Variants in ACYP2 observed in about 807,000 individuals in gnomAD.
ACYP2 encodes acylphosphatase-2.
ACYP2 carries 12 observed loss-of-function variants against 11.2 expected under a neutral mutation model. That is an observed-to-expected ratio of 1.08 (90% confidence interval 0.69 to 1.74). ACYP2 has a LOEUF of 1.74. ACYP2 is among the 40% of genes most tolerant of loss of function. The pLI is 0.00. For synonymous variants in ACYP2, 43 were observed against 32.2 expected (o/e 1.33, Z -1.13); for missense variants, 134 against 101.9 (o/e 1.31, Z -1.35).
rs1167029502 is a variant in ACYP2, at chr2:54,205,690, C to T, written c.404+66942C>T. Among the ~76,000 whole-genome samples, 4 of 152,162 alleles carry T rather than the reference C, an allele frequency of 2.6e-5. No homozygotes were observed. In the East Asian group the frequency reaches 7.7e-4, roughly 29 times the overall value. On this transcript the variant is annotated intron_variant, in intron 6 of 6. Transcript: ENST00000607452. ...AGTATCTCCTTTTTACCAATGTCTTCCAAATATTTTCATTCCTTTATAAAT... is the reference window on the plus strand; with the variant it reads ...AGTATCTCCTTTTTACCAATGTCTTTCAAATATTTTCATTCCTTTATAAAT...
At chr2:54,131,759 CTT>C (rs1360616682) in intron 4 of ACYP2, among the ~76,000 whole-genome samples, 1 of 152,118 alleles carries the variant, frequency 6.6e-6, no homozygotes, top group Non-Finnish European at 1.5e-5. Context: ...AATATAAACT[CTT>C]TTCAAATCTC....
At chr2:54,070,073 C>G (rs762323627) in intron 4 of ACYP2, among the ~76,000 whole-genome samples, 2 of 151,758 alleles carry the variant, frequency 1.3e-5, no homozygotes, top group East Asian at 3.9e-4. Context: ...GAGTTCAAGA[C>G]CAGCCTGACC....
intron 4 of ACYP2, among the ~76,000 whole-genome samples, chr2:54,114,452 G>A (rs1381758727): frequency 6.6e-6 from 1 of 151,540 alleles, no homozygotes; most frequent in African/African-American, 2.4e-5. Flanking sequence ...GGGAGGCCGA[G>A]GCAGGTGGAT....
chr2:54,243,731 G>A (rs1401758149), intron 6 of ACYP2, among the ~76,000 whole-genome samples: 1 of 151,904 alleles, frequency 6.6e-6, no homozygotes, highest in Non-Finnish European at 1.5e-5. Flanking sequence ...CACCACGGCT[G>A]GTTAATTTTT....
chr2:54,060,267 T>C (rs1302436871), intron 4 of ACYP2, among the ~76,000 whole-genome samples: 1 of 152,158 alleles, frequency 6.6e-6, no homozygotes, highest in African/African-American at 2.4e-5. Context: ...TTTTTGGCTA[T>C]CTTTTTTATC....
At chr2:54,146,295 CCATTTTCA>C (rs1326579584) in intron 6 of ACYP2, among the ~76,000 whole-genome samples, 3 of 152,206 alleles carry the variant, frequency 2.0e-5, no homozygotes, top group Admixed American at 2.0e-4. Flanking sequence ...TCTCTCTTCT[CCATTTTCA>C]CAACCATCTG....
At chr2:54,095,592 G>A (rs1221548718) in intron 4 of ACYP2, among the ~76,000 whole-genome samples, 3 of 148,792 alleles carry the variant, frequency 2.0e-5, no homozygotes, top group Non-Finnish European at 3.0e-5. Flanking sequence ...CCCGGACGGG[G>A]CGGCTGGCCG....
chr2:54,134,694 TCA>T (rs1655546842), intron 4 of ACYP2, among the ~76,000 whole-genome samples: 1 of 152,252 alleles, frequency 6.6e-6, no homozygotes, highest in African/African-American at 2.4e-5. Context: ...CTAAATATAT[TCA>T]GAGTAAACAT....
intron 4 of ACYP2, among the ~76,000 whole-genome samples, chr2:54,079,082 T>C (rs139554877): frequency 1.3e-5 from 2 of 152,330 alleles, no homozygotes; most frequent in African/African-American, 4.8e-5. Context: ...CAAAACAGTC[T>C]CTTAAAATGA....
intron 6 of ACYP2, among the ~76,000 whole-genome samples, chr2:54,262,329 A>G (rs1253895065): frequency 2.0e-5 from 3 of 152,258 alleles, no homozygotes; most frequent in African/African-American, 7.2e-5. Context: ...TCTTATTTTA[A>G]AAGTGTTCAG....
chr2:54,208,642 T>A (rs1685196726), intron 6 of ACYP2, among the ~76,000 whole-genome samples: 1 of 152,110 alleles, frequency 6.6e-6, no homozygotes, highest in African/African-American at 2.4e-5. Flanking sequence ...GCTTAGTGAT[T>A]CACTTAAGTC....
intron 2 of ACYP2, among the ~76,000 whole-genome samples, chr2:53,995,645 G>C (rs1269640098): frequency 6.6e-6 from 1 of 151,576 alleles, no homozygotes; most frequent in Admixed American, 6.6e-5. Flanking sequence ...TAGAGACAAG[G>C]TTTCATCATG....
chr2:54,260,409 G>C (rs914991200), intron 6 of ACYP2, among the ~76,000 whole-genome samples: 2 of 152,080 alleles, frequency 1.3e-5, no homozygotes, highest in African/African-American at 2.4e-5. Context: ...TGGAAATGAG[G>C]CCCATCAGCA....
chr2:54,065,524 T>G, intron 4 of ACYP2: 2 of 398,636 alleles, frequency 5.0e-6, no homozygotes, highest in Non-Finnish European at 8.8e-6. Context: ...AAAATGCAGT[T>G]GGTCTCTGAG....
At chr2:54,206,029 C>CATTCTGCCTAGTACTG (rs770476490) in intron 6 of ACYP2, among the ~76,000 whole-genome samples, 5 of 152,218 alleles carry the variant, frequency 3.3e-5, no homozygotes, top group Admixed American at 1.3e-4. Context: ...GTCCAAGGAT[C>CATTCTGCCTAGTACTG]ATTCTGCCTA....
intron 6 of ACYP2, among the ~76,000 whole-genome samples, chr2:54,284,352 G>C (rs1688987401): frequency 6.6e-6 from 1 of 152,116 alleles, no homozygotes. Context: ...TCCACTACCA[G>C]TCTATCTGAG....
At chr2:54,128,014 T>C (rs910172936) in intron 4 of ACYP2, among the ~76,000 whole-genome samples, 2 of 152,226 alleles carry the variant, frequency 1.3e-5, no homozygotes, top group African/African-American at 4.8e-5. Context: ...CATTTTCTTT[T>C]GCAACATCCA....
chr2:54,063,263 G>T (rs1317471299), intron 4 of ACYP2, among the ~76,000 whole-genome samples: 1 of 152,140 alleles, frequency 6.6e-6, no homozygotes, highest in Non-Finnish European at 1.5e-5. Context: ...TGAGATTACA[G>T]GTGTGAGCCA....
At chr2:53,984,506 G>C (rs1008238780) in intron 2 of ACYP2, among the ~76,000 whole-genome samples, 6 of 151,712 alleles carry the variant, frequency 4.0e-5, no homozygotes, top group Non-Finnish European at 5.9e-5. Flanking sequence ...GAACCGGGGG[G>C]GTGGGGGTTG....
Sources: allele counts gnomAD v4.1 joint callset (sites outside exome capture counted in the v4.1 genomes callset), GRCh38; gene constraint gnomAD v4.1.1; transcripts MANE v1.5; gene names NCBI Gene and HGNC (gene_info 2026-07-23, HGNC 2026-07-21).